The following PBRM1 variants were observed in gnomAD, a reference collection of about 807,000 sequenced individuals.
PBRM1 encodes polybromo 1, also known as protein polybromo-1.
A neutral mutation model predicts 194.5 loss-of-function variants in PBRM1; 27 were observed. That is an observed-to-expected ratio of 0.14 (90% CI 0.10 to 0.19). The LOEUF (loss-of-function observed/expected upper bound fraction) is 0.19, where lower values mean the gene tolerates loss of function less well. PBRM1 is among the 10% of genes least tolerant of loss of function. The probability of loss-of-function intolerance (pLI) is 1.00; values close to 1 mark genes in which losing one functional copy is unlikely to be tolerated. For missense variants in PBRM1, 1,466 were observed against 2,077.2 expected (o/e 0.71, Z 5.72); for synonymous variants, 655 against 693.2 (o/e 0.94, Z 0.87).
At chr3:52,642,045 A>G (rs1484038292) in exon 10 of PBRM1, 2 of 1,460,526 alleles carry the variant, frequency 1.4e-6, no homozygotes, top group Non-Finnish European at 1.9e-6. Flanking sequence ...CTCTTTTATT[A>G]CTACAAAAAA....
At chr3:52,652,266 C>G (rs2096517075) in intron 5 of PBRM1, among the ~76,000 whole-genome samples, 1 of 151,774 alleles carries the variant, frequency 6.6e-6, no homozygotes, top group Non-Finnish European at 1.5e-5. Context: ...CACCTGTAAT[C>G]CCAGCTACTC....
intron 26 of PBRM1, 102 bp from the exon 29 acceptor site, chr3:52,554,981 C>G: frequency 1.2e-6 from 1 of 825,636 alleles, no homozygotes; most frequent in Non-Finnish European, 1.9e-6. Flanking sequence ...ATAAAGCACC[C>G]TTAGTACTGC....
At chr3:52,552,246 T>C (rs2081153150) in intron 27 of PBRM1, among the ~76,000 whole-genome samples, 1 of 152,108 alleles carries the variant, frequency 6.6e-6, no homozygotes, top group Non-Finnish European at 1.5e-5. Flanking sequence ...CCCTAAACTG[T>C]GTAAATCATT....
At chr3:52,580,038 C>G (rs777752005) in intron 20 of PBRM1, among the ~76,000 whole-genome samples, 2 of 151,914 alleles carry the variant, frequency 1.3e-5, no homozygotes, top group Non-Finnish European at 2.9e-5. Flanking sequence ...GCCAGGAGTT[C>G]AAGACCAGCC....
intron 8 of PBRM1, 85 bp from the exon 10 acceptor site, chr3:52,643,428 C>T: frequency 2.4e-6 from 2 of 841,690 alleles, no homozygotes; most frequent in Non-Finnish European, 4.1e-6. Context: ...CAACCATTTT[C>T]TTCTCTTCTA....
chr3:52,639,431 CTTTCT>C (rs1232159553), intron 10 of PBRM1, among the ~76,000 whole-genome samples: 2 of 151,278 alleles, frequency 1.3e-5, no homozygotes, highest in African/African-American at 2.4e-5. Context: ...TAAAGGTTTC[CTTTCT>C]TTTCTTTTTT....
intron 20 of PBRM1, among the ~76,000 whole-genome samples, chr3:52,583,620 CT>C (rs935359060): frequency 1.3e-5 from 2 of 152,068 alleles, no homozygotes; most frequent in Admixed American, 6.6e-5. Context: ...ACTTTCCCCC[CT>C]AGACCCTAAA....
rs1987234 is a variant in PBRM1 at position 52,564,343 on chromosome 3, T to C, written c.3692-110A>G. 27,778 of 820,578 alleles carry C rather than the reference T, an allele frequency of 0.034. 1,566 individuals are homozygous for C. The highest frequency in any genetic ancestry group is 0.21 in the African/African-American group (12,222 of 57,582). 50.8% of individuals were successfully genotyped at this position (820,578 alleles called of 1,614,324 possible). ...GAATACATTCATATAATTAACAATT[T>C]TAAAGATATGAAAGGGGCTAGGCAT... On this transcript the variant is annotated intron_variant, in intron 22 of 29. Coordinates refer to ENST00000296302, the Ensembl canonical transcript of PBRM1.
exon 24 of PBRM1, chr3:52,563,326 G>C (rs1171303700): frequency 6.2e-7 from 1 of 1,613,898 alleles, no homozygotes; most frequent in Non-Finnish European, 8.5e-7. Flanking sequence ...ACTGGCCAGG[G>C]GGGTCTGAAG....
At chr3:52,547,853 T>C (rs999157829), downstream of PBRM1, 30 of 454,672 alleles carry the variant, frequency 6.6e-5, no homozygotes, top group Non-Finnish European at 8.1e-5. Context: ...TGCAAAAAAA[T>C]CTTTGTGTAT....
At chr3:52,674,663 TATAC>T (rs1169435328) in intron 2 of PBRM1, among the ~76,000 whole-genome samples, 90 of 143,952 alleles carry the variant, frequency 6.3e-4, no homozygotes, top group African/African-American at 1.9e-3. Context: ...TATATATATA[TATAC>T]ACACACACAC....
intron 22 of PBRM1, 105 bp downstream of exon 24, chr3:52,576,436 G>T (rs981846587): frequency 4.4e-6 from 3 of 676,670 alleles, no homozygotes; most frequent in Admixed American, 6.4e-5. Flanking sequence ...ATTTGGATTT[G>T]GGCACTGCTC....
In PBRM1 at chr3:52,653,344, CT is replaced by C. The variant is rs533441347; in HGVS notation, c.646-1535del. 4.0e-3 allele frequency among the ~76,000 whole-genome samples: 611 copies of C among 152,222 alleles called. 3 individuals are homozygous for C. Among genetic ancestry groups the C allele is most frequent in the South Asian group, 0.023 (110 of 4,824 alleles). On this transcript the variant is annotated intron_variant, in intron 5 of 29. Coordinates refer to ENST00000296302, the Ensembl canonical transcript of PBRM1. The stretch of plus-strand genomic sequence containing the variant: ...GTGGCTCGCGCCTGTAATCCCAGCA[CT>C]TTGGGAGGCTGAGGTGGGTGGATCA...
In PBRM1 at chr3:52,656,671, T is replaced by A. The variant is rs577689900; in HGVS notation, c.645+1528A>T. ...CAGAACGAGACTCCGTCTCAACAAT[T>A]AATAAATAAATAAAAAAGATTTAGT... On this transcript the variant is annotated intron_variant, in intron 5 of 29. Transcript: ENST00000296302. Among the ~76,000 whole-genome samples the A allele has an allele frequency of 5.3e-5, 8 of 152,146 alleles. No individual in the cohort carries two copies. In the East Asian group the frequency reaches 1.4e-3, roughly 26 times the overall value.
chr3:52,610,089 T>A, intron 15 of PBRM1, 134 bp from the exon 18 acceptor site: 1 of 525,028 alleles, frequency 1.9e-6, no homozygotes, highest in Non-Finnish European at 3.1e-6. Flanking sequence ...TAGTGAAATA[T>A]AACCTGCAGA....
chr3:52,629,553 G>A (rs1207132818), intron 11 of PBRM1, among the ~76,000 whole-genome samples: 2 of 152,188 alleles, frequency 1.3e-5, no homozygotes, highest in Non-Finnish European at 2.9e-5. Flanking sequence ...GTAAAAGAGA[G>A]ATAGATATGT....
At chr3:52,643,700 A>G (rs943109495) in intron 8 of PBRM1, among the ~76,000 whole-genome samples, 15 of 152,148 alleles carry the variant, frequency 9.9e-5, no homozygotes, top group Non-Finnish European at 2.1e-4. Context: ...GGCCGGGCGC[A>G]GTGGCTCACG....
intron 15 of PBRM1, among the ~76,000 whole-genome samples, chr3:52,610,211 G>A (rs1488670069): frequency 6.6e-6 from 1 of 152,156 alleles, no homozygotes; most frequent in Non-Finnish European, 1.5e-5. Flanking sequence ...CAAATGAGTA[G>A]CTATGTGACA....
intron 4 of PBRM1, among the ~76,000 whole-genome samples, chr3:52,659,357 AT>A (rs1333337467): frequency 1.3e-5 from 2 of 152,192 alleles, no homozygotes; most frequent in African/African-American, 4.8e-5. Flanking sequence ...TCTGGTTTAA[AT>A]CATAAAAGTA....
Sources: allele counts gnomAD v4.1 joint callset (sites outside exome capture counted in the v4.1 genomes callset), GRCh38; gene constraint gnomAD v4.1.1; transcripts MANE v1.5; gene names NCBI Gene and HGNC (gene_info 2026-07-23, HGNC 2026-07-21).